Variants in KCNIP3 observed in about 807,000 individuals in gnomAD.
The protein encoded by KCNIP3 is calsenilin.
A neutral mutation model predicts 35.0 loss-of-function variants in KCNIP3; 28 were observed. The ratio of observed to expected loss-of-function variants is 0.80; its 90% CI spans 0.59 to 1.10. The LOEUF is 1.10. Ranked by LOEUF, KCNIP3 falls within the 50% of genes least tolerant of loss-of-function variation. KCNIP3 has a pLI of 0.00. For synonymous variants in KCNIP3, 134 were observed against 133.8 expected (o/e 1.00, Z -0.01); for missense variants, 295 against 338.4 (o/e 0.87, Z 1.01).
intron 2 of KCNIP3, among the ~76,000 whole-genome samples, chr2:95,367,761 T>G (rs1413450638): frequency 6.7e-6 from 1 of 149,572 alleles, no homozygotes; most frequent in Non-Finnish European, 1.5e-5. Context: ...ACTTAACATT[T>G]TTTTTTTTTT....
chr2:95,315,556 G>T (rs999791323), intron 2 of KCNIP3, among the ~76,000 whole-genome samples: 12 of 152,108 alleles, frequency 7.9e-5, no homozygotes, highest in Non-Finnish European at 1.5e-4. Flanking sequence ...TGAACTAATG[G>T]TTAACAGCCA....
At position 95,323,646 on chromosome 2, in the gene KCNIP3, C is replaced by A. The variant is rs117591660; in HGVS notation, c.181+13126C>A. 1.9e-3 allele frequency among the ~76,000 whole-genome samples: 294 copies of A among 152,292 alleles called. 10 individuals are homozygous for A. The East Asian group carries it at 0.054, about 28-fold the overall frequency. ...TCCACCGCGTTTTCTGTTCCCACCC[C>A]GTCACAACTTTGGGGCTTAAAGGCA... On this transcript the variant is annotated intron_variant, in intron 2 of 8. Transcript: ENST00000295225.
intron 1 of KCNIP3, among the ~76,000 whole-genome samples, chr2:95,304,426 G>C (rs1305842298): frequency 2.0e-5 from 3 of 152,146 alleles, no homozygotes; most frequent in African/African-American, 7.2e-5. Context: ...CCCTCCCTTT[G>C]TAAAGAGAAT....
chr2:95,302,489 G>C (rs532102796), intron 1 of KCNIP3, among the ~76,000 whole-genome samples: 1 of 152,342 alleles, frequency 6.6e-6, no homozygotes, highest in South Asian at 2.1e-4. Flanking sequence ...GCATGTGGCA[G>C]CTGAGAGCGG....
chr2:95,371,370 T>C (rs996308972), intron 2 of KCNIP3, among the ~76,000 whole-genome samples: 17 of 152,244 alleles, frequency 1.1e-4, no homozygotes, highest in African/African-American at 4.1e-4. Flanking sequence ...AAATGTATTG[T>C]TTATTTCCAA....
chr2:95,379,223 C>G (rs1401376930), intron 5 of KCNIP3, among the ~76,000 whole-genome samples: 2 of 152,156 alleles, frequency 1.3e-5, no homozygotes, highest in African/African-American at 4.8e-5. Flanking sequence ...TTGGATAAGG[C>G]CTTGGTTTAC....
Position 95,384,228 on chromosome 2 carries a change from A to G in KCNIP3, c.*179A>G. 1 of 624,600 alleles carries G rather than the reference A, an allele frequency of 1.6e-6. No individual in the cohort carries two copies. 38.7% of individuals were successfully genotyped at this position (624,600 alleles called of 1,614,324 possible). On this transcript the variant is annotated 3_prime_UTR_variant, in exon 9 of 9. Coordinates refer to ENST00000295225, the MANE Select transcript of KCNIP3 (RefSeq NM_013434.5). ...CACAGCCATTCATCTGGGCTGGCAGAGGGGACAGAGTTCAGGGAGGGGCTG... is the reference window on the plus strand; with the variant it reads ...CACAGCCATTCATCTGGGCTGGCAGGGGGGACAGAGTTCAGGGAGGGGCTG...
At chr2:95,369,861 C>G (rs770506322) in intron 2 of KCNIP3, among the ~76,000 whole-genome samples, 4 of 152,102 alleles carry the variant, frequency 2.6e-5, no homozygotes, top group Non-Finnish European at 4.4e-5. Context: ...TGGGCTCAAT[C>G]AATCCACCTG....
intron 2 of KCNIP3, among the ~76,000 whole-genome samples, chr2:95,338,884 T>C (rs1244890842): frequency 1.3e-5 from 2 of 152,142 alleles, no homozygotes; most frequent in Non-Finnish European, 2.9e-5. Context: ...ATTCTTGAGT[T>C]TGAGGAACTT....
chr2:95,309,430 T>G (rs1379977263), intron 1 of KCNIP3, among the ~76,000 whole-genome samples: 1 of 148,470 alleles, frequency 6.7e-6, no homozygotes, highest in East Asian at 2.0e-4. Flanking sequence ...GCCCACTGCT[T>G]TTTTTTTTTT....
intron 2 of KCNIP3, among the ~76,000 whole-genome samples, chr2:95,355,936 G>A (rs1679647427): frequency 2.6e-5 from 4 of 152,182 alleles, no homozygotes; most frequent in African/African-American, 9.7e-5. Context: ...CTTCCACAAT[G>A]TTTGAACTAA....
intron 2 of KCNIP3, among the ~76,000 whole-genome samples, chr2:95,314,237 C>T (rs575185625): frequency 6.6e-6 from 1 of 152,248 alleles, no homozygotes; most frequent in South Asian, 2.1e-4. Flanking sequence ...ACAGAATTTT[C>T]GCGTATTTGA....
intron 2 of KCNIP3, among the ~76,000 whole-genome samples, chr2:95,325,891 TCA>T (rs1678752790): frequency 8.3e-6 from 1 of 120,120 alleles, no homozygotes; most frequent in South Asian, 2.7e-4. Context: ...ATACACACAC[TCA>T]TAGACACACA....
chr2:95,379,615 A>G (rs756880355), intron 5 of KCNIP3, among the ~76,000 whole-genome samples: 14 of 152,100 alleles, frequency 9.2e-5, no homozygotes, highest in South Asian at 2.1e-4. Context: ...GTAACTTTGG[A>G]GCGTTTGAGC....
At chr2:95,329,048 T>A (rs1678864231) in intron 2 of KCNIP3, among the ~76,000 whole-genome samples, 1 of 152,320 alleles carries the variant, frequency 6.6e-6, no homozygotes, top group Admixed American at 6.5e-5. Context: ...TGCAGAGACC[T>A]TGGGCAAGTC....
chr2:95,373,149 G>C (rs978463342), intron 2 of KCNIP3, among the ~76,000 whole-genome samples: 5 of 152,202 alleles, frequency 3.3e-5, no homozygotes, highest in Admixed American at 3.3e-4. Flanking sequence ...TGGCCCAGGG[G>C]AGACAGGGCG....
chr2:95,329,982 A>T (rs942203310), intron 2 of KCNIP3, among the ~76,000 whole-genome samples: 1 of 151,838 alleles, frequency 6.6e-6, no homozygotes, highest in African/African-American at 2.4e-5. Flanking sequence ...CCCTCTCCCC[A>T]TTTCTGCTGC....
chr2:95,325,999 ACT>A (rs1159822493), intron 2 of KCNIP3, among the ~76,000 whole-genome samples: 2 of 151,772 alleles, frequency 1.3e-5, no homozygotes, highest in Admixed American at 6.6e-5. Flanking sequence ...ACTCACACAC[ACT>A]CAGACACACA....
At chr2:95,305,848 A>T (rs1286878025) in intron 1 of KCNIP3, among the ~76,000 whole-genome samples, 1 of 152,188 alleles carries the variant, frequency 6.6e-6, no homozygotes, top group Non-Finnish European at 1.5e-5. Flanking sequence ...ACTTGTCCAG[A>T]ATTCCGTGGT....
Sources: gnomAD v4.1 joint callset for allele counts (sites outside exome capture counted in the v4.1 genomes callset) on GRCh38, gnomAD v4.1.1 for gene constraint, MANE v1.5 for transcripts, NCBI Gene and HGNC (gene_info 2026-07-23, HGNC 2026-07-21) for gene names.